The following TMEM131 variants were observed in gnomAD, a reference collection of about 807,000 sequenced individuals.
The protein encoded by TMEM131 is transmembrane protein 131.
A neutral mutation model predicts 211.6 loss-of-function variants in TMEM131; 66 were observed. The ratio of observed to expected loss-of-function variants is 0.31; its 90% CI spans 0.26 to 0.38. The LOEUF (loss-of-function observed/expected upper bound fraction) is 0.38. Ranked by LOEUF, TMEM131 falls within the 10% of genes least tolerant of loss-of-function variation. TMEM131 has a pLI of 1.00. For synonymous variants in TMEM131, 844 were observed against 841.3 expected (o/e 1.00, Z -0.06); for missense variants, 2,036 against 2,299.3 (o/e 0.89, Z 2.34).
intron 31 of TMEM131, among the ~76,000 whole-genome samples, chr2:97,790,392 C>T (rs1331963176): frequency 5.9e-5 from 9 of 152,200 alleles, no homozygotes; most frequent in South Asian, 4.1e-4. Context: ...AGAGTAGCCG[C>T]GCCTGCAAAG....
intron 6 of TMEM131, among the ~76,000 whole-genome samples, chr2:97,843,924 T>C (rs997017107): frequency 3.3e-5 from 5 of 152,232 alleles, no homozygotes; most frequent in Non-Finnish European, 5.9e-5. Context: ...TTTGTCAATC[T>C]TAAATTAACA....
At chr2:97,930,846 C>T (rs1677188579) in intron 1 of TMEM131, among the ~76,000 whole-genome samples, 2 of 151,904 alleles carry the variant, frequency 1.3e-5, no homozygotes, top group Admixed American at 6.5e-5. Context: ...CCTGATGTTC[C>T]CTAGTTCAAG....
intron 2 of TMEM131, among the ~76,000 whole-genome samples, chr2:97,914,420 T>A (rs1387924150): frequency 6.6e-6 from 1 of 152,152 alleles, no homozygotes; most frequent in Non-Finnish European, 1.5e-5. Context: ...GTTCATGTAT[T>A]TAGTTCTACA....
chr2:97,969,348 C>A (rs1201200909), intron 1 of TMEM131, among the ~76,000 whole-genome samples: 5 of 152,124 alleles, frequency 3.3e-5, no homozygotes, highest in Non-Finnish European at 7.4e-5. Context: ...TTCTTCCAGG[C>A]CCTCCACCAA....
chr2:97,832,870 T>C (rs1158803990), intron 11 of TMEM131, among the ~76,000 whole-genome samples: 1 of 152,192 alleles, frequency 6.6e-6, no homozygotes, highest in African/African-American at 2.4e-5. Context: ...TAGTTTATAA[T>C]GTGCTGCCTA....
At chr2:97,866,280 G>T (rs1033463132) in intron 4 of TMEM131, among the ~76,000 whole-genome samples, 2 of 152,214 alleles carry the variant, frequency 1.3e-5, no homozygotes, top group African/African-American at 4.8e-5. Context: ...TGTATTTTGG[G>T]TCTTTCCGGA....
chr2:97,838,256 TA>T (rs146393527), intron 7 of TMEM131, among the ~76,000 whole-genome samples: 10,905 of 152,108 alleles, frequency 0.072, 465 homozygotes, highest in Middle Eastern at 0.12. Flanking sequence ...GACCTTCCTT[TA>T]AAGGTAAGCT....
intron 2 of TMEM131, among the ~76,000 whole-genome samples, chr2:97,913,612 T>C (rs1380837917): frequency 6.6e-6 from 1 of 152,224 alleles, no homozygotes; most frequent in African/African-American, 2.4e-5. Flanking sequence ...GGCTATATTA[T>C]TGCTAACAAA....
At chr2:97,980,680 G>A (rs746423805) in intron 1 of TMEM131, among the ~76,000 whole-genome samples, 3 of 152,060 alleles carry the variant, frequency 2.0e-5, no homozygotes, top group Non-Finnish European at 2.9e-5. Flanking sequence ...AATTTCAACA[G>A]ATGAACAAAT....
chr2:97,768,006 A>G (rs947533128), intron 33 of TMEM131, among the ~76,000 whole-genome samples: 1 of 152,216 alleles, frequency 6.6e-6, no homozygotes, highest in African/African-American at 2.4e-5. Context: ...TCATAAATAA[A>G]CAAATACATT....
rs558163438 is a variant in TMEM131 at position 97,794,129 on chromosome 2, C to T, written c.3387-576G>A. 8.0e-5 allele frequency among the ~76,000 whole-genome samples: 12 copies of T among 150,536 alleles called. No individual in the cohort carries two copies. The South Asian group carries it at 1.9e-3, about 24-fold the overall frequency. ...TTGCCCAGGCTGGAGTGCAATGGGGCGATCTCAGCTCACTGCAACCTCAGC... is the reference window on the plus strand; with the variant it reads ...TTGCCCAGGCTGGAGTGCAATGGGGTGATCTCAGCTCACTGCAACCTCAGC... On this transcript the variant is annotated intron_variant, in intron 29 of 40. Transcript: ENST00000186436.
At chr2:97,834,537 TACATAGTAG>T in intron 10 of TMEM131, 75 bp downstream of exon 10, 1 of 998,296 alleles carries the variant, frequency 1.0e-6, no homozygotes, top group South Asian at 1.8e-5. Context: ...AAAGCTGAAT[TACATAGTAG>T]AGCCATTCAG....
intron 1 of TMEM131, among the ~76,000 whole-genome samples, chr2:97,942,839 A>G (rs1677805249): frequency 6.6e-6 from 1 of 151,744 alleles, no homozygotes; most frequent in African/African-American, 2.4e-5. Flanking sequence ...AAGGACAAAA[A>G]ACAGGCTGGG....
Position 97,992,382 on chromosome 2 carries a change from T to C in TMEM131, c.187+3094A>G, listed in dbSNP as rs141543561. ...CACAAATACAGCTTAAAACAAAAAT[T>C]TGTGCATGAAACTATAGTACACTGG... On this transcript the variant is annotated intron_variant, in intron 1 of 40. Coordinates refer to ENST00000186436, the MANE Select transcript of TMEM131 (RefSeq NM_015348.2). Among the ~76,000 whole-genome samples the C allele has an allele frequency of 6.4e-4, 98 of 152,324 alleles. 2 individuals carry two copies. In the East Asian group the frequency reaches 0.018, roughly 27 times the overall value.
intron 8 of TMEM131, 75 bp downstream of exon 8, chr2:97,837,002 A>C (rs1682970663): frequency 2.4e-5 from 27 of 1,131,458 alleles, no homozygotes; most frequent in Non-Finnish European, 3.5e-5. Context: ...CCTATTAAGG[A>C]GTTAAATATT....
intron 1 of TMEM131, among the ~76,000 whole-genome samples, chr2:97,947,160 T>C: frequency 6.6e-6 from 1 of 151,986 alleles, no homozygotes; most frequent in East Asian, 1.9e-4. Flanking sequence ...CAAGGTAAGA[T>C]TGTTCCTTCT....
At chr2:97,837,800 T>A (rs1016038025) in intron 7 of TMEM131, among the ~76,000 whole-genome samples, 2 of 152,206 alleles carry the variant, frequency 1.3e-5, no homozygotes, top group Admixed American at 1.3e-4. Context: ...TGTTTGGGCA[T>A]AAAACCATCA....
At chr2:97,923,892 A>C (rs1212822353) in intron 2 of TMEM131, among the ~76,000 whole-genome samples, 7 of 152,030 alleles carry the variant, frequency 4.6e-5, no homozygotes, top group African/African-American at 1.7e-4. Flanking sequence ...CATCCTGGCT[A>C]ACACGGTGAA....
At chr2:97,842,943 C>T (rs1405866244) in intron 6 of TMEM131, among the ~76,000 whole-genome samples, 2 of 151,998 alleles carry the variant, frequency 1.3e-5, no homozygotes, top group African/African-American at 2.4e-5. Context: ...TAAGCAACCG[C>T]TAAAGATTTA....
Sources: allele counts gnomAD v4.1 joint callset (sites outside exome capture counted in the v4.1 genomes callset), GRCh38; gene constraint gnomAD v4.1.1; transcripts MANE v1.5; gene names NCBI Gene and HGNC (gene_info 2026-07-23, HGNC 2026-07-21).